Variants in FBN1 observed in about 807,000 individuals in gnomAD.
FBN1 encodes fibrillin-1.
Under a neutral mutation model 365.1 loss-of-function variants are expected in FBN1, and 29 were observed. The ratio of observed to expected loss-of-function variants is 0.08; its 90% CI spans 0.06 to 0.11. FBN1 has a LOEUF of 0.11. Ranked by LOEUF, FBN1 falls within the 10% of genes least tolerant of loss-of-function variation. The pLI, the probability that FBN1 is intolerant of heterozygous loss-of-function variation, is 1.00. For missense variants in FBN1, 2,476 were observed against 3,703.2 expected (o/e 0.67, Z 8.60); for synonymous variants, 1,210 against 1,270.5 (o/e 0.95, Z 1.01).
intron 6 of FBN1, among the ~76,000 whole-genome samples, chr15:48,551,225 A>G (rs1393953807): frequency 6.6e-6 from 1 of 152,144 alleles, no homozygotes. Flanking sequence ...CAAAATACCT[A>G]CCATAGTCCC....
chr15:48,442,134 G>T (rs1253000729), intron 49 of FBN1, among the ~76,000 whole-genome samples: 1 of 152,184 alleles, frequency 6.6e-6, no homozygotes, highest in Non-Finnish European at 1.5e-5. Context: ...AACTAGAAAA[G>T]TCAGAGTAAT....
intron 8 of FBN1, among the ~76,000 whole-genome samples, chr15:48,530,079 G>A (rs1380664961): frequency 2.5e-5 from 2 of 81,182 alleles, no homozygotes; most frequent in Non-Finnish European, 4.9e-5. Context: ...TCCGCCGCCC[G>A]ATCACAACTT....
intron 36 of FBN1, among the ~76,000 whole-genome samples, chr15:48,469,750 G>A (rs1365083053): frequency 6.6e-6 from 1 of 152,064 alleles, no homozygotes; most frequent in Admixed American, 6.6e-5. Flanking sequence ...TCTGGGGCAC[G>A]CAGGACAGGG....
In FBN1 at chr15:48,481,643, G is replaced by A. The variant is rs371986991; in HGVS notation, c.3964+12C>T. ...TACTTAATATTTTATTGTTCTACTTGAACAAACACACCTGTACAGCCAGTT... is the reference window on the plus strand; with the variant it reads ...TACTTAATATTTTATTGTTCTACTTAAACAAACACACCTGTACAGCCAGTT... On this transcript the variant is annotated intron_variant, in intron 32 of 65. Transcript: ENST00000316623. 26 of 1,612,996 alleles carry A rather than the reference G, an allele frequency of 1.6e-5. No individual in the cohort carries two copies. In the African/African-American group the frequency reaches 3.2e-4, roughly 20 times the overall value.
At chr15:48,599,846 A>G (rs2044548202) in intron 5 of FBN1, among the ~76,000 whole-genome samples, 1 of 152,232 alleles carries the variant, frequency 6.6e-6, no homozygotes, top group African/African-American at 2.4e-5. Context: ...GGAATGAACA[A>G]GAATTCTGCT....
intron 41 of FBN1, 152 bp from the exon 42 acceptor site, chr15:48,463,392 A>C (rs1246048871): frequency 2.6e-6 from 2 of 761,568 alleles, no homozygotes; most frequent in East Asian, 5.2e-5. Context: ...GCTCTTACAC[A>C]ACTTTCTAGC....
chr15:48,588,095 T>C (rs1200500534), intron 6 of FBN1, among the ~76,000 whole-genome samples: 2 of 152,218 alleles, frequency 1.3e-5, no homozygotes, highest in African/African-American at 4.8e-5. Flanking sequence ...CTGGAAGTTC[T>C]AGAGTTGTGC....
intron 6 of FBN1, among the ~76,000 whole-genome samples, chr15:48,556,691 CAG>C (rs879541011): frequency 6.6e-6 from 1 of 152,192 alleles, no homozygotes; most frequent in African/African-American, 2.4e-5. Flanking sequence ...GCTGTGGACA[CAG>C]AAAGTTCTGA....
intron 6 of FBN1, among the ~76,000 whole-genome samples, chr15:48,571,859 G>A (rs1043770426): frequency 6.6e-6 from 1 of 152,116 alleles, no homozygotes; most frequent in African/African-American, 2.4e-5. Flanking sequence ...GAGCCCAAAT[G>A]CTTAAAAAAT....
In FBN1 at chr15:48,445,352, G is replaced by A. The variant is rs533822409; in HGVS notation, c.5917+24C>T. The stretch of plus-strand genomic sequence containing the variant: ...GTGGTCTCTGGAAGCATTCTTTCCA[G>A]GTCTTTCTAAGTCCTGTACTTACCC... On this transcript the variant is annotated intron_variant, in intron 48 of 65. Transcript: ENST00000316623. The A allele has an allele frequency of 8.1e-6, 13 of 1,611,590 alleles. No homozygotes were observed. The East Asian group carries it at 2.7e-4, about 33-fold the overall frequency.
chr15:48,526,509 G>A (rs888231796), intron 8 of FBN1, among the ~76,000 whole-genome samples: 14 of 152,184 alleles, frequency 9.2e-5, no homozygotes, highest in African/African-American at 3.4e-4. Context: ...ATCTAAACCT[G>A]TGTACTGTTG....
chr15:48,457,406 G>A (rs1014928584), intron 43 of FBN1, among the ~76,000 whole-genome samples: 1 of 152,200 alleles, frequency 6.6e-6, no homozygotes, highest in East Asian at 1.9e-4. Flanking sequence ...TACATGACAG[G>A]TAGTAAGTGC....
Position 48,510,040 on chromosome 15 carries a change from T to C in FBN1, c.1714+4A>G, listed in dbSNP as rs1189850321. On this transcript the variant is annotated splice_donor_region_variant and intron_variant, in intron 14 of 65. Transcript: ENST00000316623. ...GAGGACTAACATTAGTATACTATTA[T>C]TACCTTCACAGTTCTTCCCATCTCG... 2 of 1,613,026 alleles carry C rather than the reference T, an allele frequency of 1.2e-6. No homozygotes were observed. The highest frequency in any genetic ancestry group is 2.2e-5 in the East Asian group (1 of 44,848).
At chr15:48,641,594 T>C (rs553306196) in intron 2 of FBN1, 1 of 152,358 alleles carries the variant, frequency 6.6e-6, no homozygotes, top group South Asian at 2.1e-4. Flanking sequence ...TGCTGAAAGT[T>C]GCTGCCACCA....
Position 48,496,169 on chromosome 15 carries a change from T to A in FBN1, c.2350A>T (p.Thr784Ser). The A allele has an allele frequency of 6.2e-7, 1 of 1,613,758 alleles. No homozygotes were observed. Among genetic ancestry groups the A allele is most frequent in the Non-Finnish European group, 8.5e-7 (1 of 1,179,788 alleles). The change falls in exon 20 of 66, where the codon ACT becomes TCT. Residue 784 changes from threonine to serine, a missense_variant. Transcript: ENST00000316623. Reference sequence around the variant, plus strand: ...CAGGTACAGACAAAACTTCCAGGAGTATTTCTACATTGTCCATTGTCACAA... The same window carrying A: ...CAGGTACAGACAAAACTTCCAGGAGAATTTCTACATTGTCCATTGTCACAA... ...LLCDNGQCRNTPGSFVCTCPK... is the reference protein window; with the variant it reads ...LLCDNGQCRNSPGSFVCTCPK...
chr15:48,459,461 G>A (rs140923695), intron 43 of FBN1, among the ~76,000 whole-genome samples: 17 of 152,350 alleles, frequency 1.1e-4, no homozygotes, highest in African/African-American at 3.4e-4. Context: ...CACTGGAAAG[G>A]CTGATGTGGA....
chr15:48,453,290 C>CAA lies in FBN1; in HGVS notation c.5423-608_5423-607dup, dbSNP rs748356141. On this transcript the variant is annotated intron_variant, in intron 44 of 65. Coordinates refer to ENST00000316623, the MANE Select transcript of FBN1 (RefSeq NM_000138.5). ...ACAAACAAACAAACAAAAAATAAAA[C>CAA]AAACAAAAAAAAAACACACACAAAA... Among the ~76,000 whole-genome samples, 248 of 32,914 alleles carry CAA rather than the reference C, an allele frequency of 7.5e-3. 2 individuals are homozygous for CAA. The highest frequency in any genetic ancestry group is 9.4e-3 in the South Asian group (13 of 1,386). The allele number at this position is 32,914 out of a possible 152,430, so 21.6% of individuals were successfully genotyped here. A position where few individuals can be genotyped will look rare whatever the true frequency, so the allele number is the denominator to read the frequency against.
chr15:48,427,342 G>A (rs967343881), intron 58 of FBN1, among the ~76,000 whole-genome samples: 1 of 152,220 alleles, frequency 6.6e-6, no homozygotes, highest in Admixed American at 6.5e-5. Flanking sequence ...TCGCTGGAAT[G>A]CAGAGGGAGG....
chr15:48,513,630 C>T lies in FBN1; in HGVS notation c.1507G>A (p.Glu503Lys), dbSNP rs978268392. 1 of 1,613,996 alleles carries T rather than the reference C, an allele frequency of 6.2e-7. No individual in the cohort carries two copies. The highest frequency in any genetic ancestry group is 8.5e-7 in the Non-Finnish European group (1 of 1,179,892). The stretch of plus-strand genomic sequence containing the variant: ...TACGAACCCTGGTTGTTAATACACT[C>T]ACCACCAGCACAGGGGTTTTTCTCA... ...ECEKNPCAGG[E>K]CINNQGSYTC... Residue 503 changes from glutamate (E) to lysine (K), a missense_variant, in exon 13 of 66, where the codon GAG (glutamate) becomes AAG (lysine). Glu to Lys is a moderately conservative substitution (Grantham distance 56, BLOSUM62 1). This residue lies in a region of FBN1 where 421 missense variants were observed against 520.1 expected (regional missense o/e 0.81). Transcript: ENST00000316623.
Sources: allele counts gnomAD v4.1 joint callset (sites outside exome capture counted in the v4.1 genomes callset), GRCh38; gene constraint gnomAD v4.1.1; regional missense constraint gnomAD v4.1.1; transcripts MANE v1.5; gene names NCBI Gene and HGNC (gene_info 2026-07-23, HGNC 2026-07-21).